The following SRD5A2 variants were observed in gnomAD, a reference collection of about 807,000 sequenced individuals.
The protein encoded by SRD5A2 is steroid 5 alpha-reductase 2.
SRD5A2 carries 30 observed loss-of-function variants against 27.4 expected under a neutral mutation model. That is an observed-to-expected ratio of 1.10 (90% CI 0.82 to 1.49). SRD5A2 has a LOEUF of 1.49. Among genes scored for constraint, SRD5A2 ranks in the 40% most tolerant of loss-of-function variants. The pLI is 0.00. For synonymous variants in SRD5A2, 141 were observed against 133.6 expected, an observed-to-expected ratio of 1.06 and a Z score of -0.38; for missense variants, 348 against 323.4, an observed-to-expected ratio of 1.08 and a Z score of -0.58.
the SRD5A2 span, among the ~76,000 whole-genome samples, chr2:31,661,985 T>C: frequency 1.3e-5 from 2 of 152,198 alleles, no homozygotes; most frequent in East Asian, 1.9e-4. Context: ...TATTTTTCAG[T>C]TGTAGAATTT....
At chr2:31,628,073 G>A in the SRD5A2 span, among the ~76,000 whole-genome samples, 1 of 152,076 alleles carries the variant, frequency 6.6e-6, no homozygotes. Flanking sequence ...TCAGTGGGGT[G>A]TTAAAATCTT....
At chr2:31,608,229 G>C in the SRD5A2 span, among the ~76,000 whole-genome samples, 2 of 150,856 alleles carry the variant, frequency 1.3e-5, no homozygotes, top group African/African-American at 4.8e-5. Flanking sequence ...ATAAGAGATA[G>C]AGAGATGAAT....
intron 1 of SRD5A2, among the ~76,000 whole-genome samples, chr2:31,539,594 C>T (rs1449148199): frequency 1.3e-5 from 2 of 152,152 alleles, no homozygotes; most frequent in Non-Finnish European, 2.9e-5. Context: ...CACTTCTCCA[C>T]AGTGTTAGTA....
chr2:31,537,412 C>T (rs1666048633), intron 1 of SRD5A2, among the ~76,000 whole-genome samples: 1 of 152,080 alleles, frequency 6.6e-6, no homozygotes, highest in Admixed American at 6.6e-5. Context: ...CTTGGTGGGG[C>T]CACCAGAGAC....
chr2:31,577,167 A>AAAAACATT (rs1246618458), intron 1 of SRD5A2, among the ~76,000 whole-genome samples: 2 of 130,500 alleles, frequency 1.5e-5, no homozygotes. Flanking sequence ...AACATTAAAA[A>AAAAACATT]AAAAAAAAAA....
At chr2:31,566,747 G>T (rs1304714991) in intron 1 of SRD5A2, among the ~76,000 whole-genome samples, 1 of 152,188 alleles carries the variant, frequency 6.6e-6, no homozygotes, top group East Asian at 1.9e-4. Context: ...TACTTATGGG[G>T]TGTCATATCT....
In SRD5A2 at chr2:31,553,168, T is replaced by A. The variant is rs115736518; in HGVS notation, c.282-19402A>T. 4.9e-3 allele frequency among the ~76,000 whole-genome samples: 752 copies of A among 152,174 alleles called. 3 individuals carry two copies. The highest frequency in any genetic ancestry group is 7.8e-3 in the Non-Finnish European group (532 of 67,996). Reference sequence around the variant, plus strand: ...TAGAAAGCTTCAAACACAGAATTGATCAAACCTAAGAAGGAATCAGTGAAC... The same window carrying A: ...TAGAAAGCTTCAAACACAGAATTGAACAAACCTAAGAAGGAATCAGTGAAC... On this transcript the variant is annotated intron_variant, in intron 1 of 4. Coordinates refer to ENST00000622030, the MANE Select transcript of SRD5A2 (RefSeq NM_000348.4).
At chr2:31,604,890 C>T in the SRD5A2 span, among the ~76,000 whole-genome samples, 1 of 151,864 alleles carries the variant, frequency 6.6e-6, no homozygotes, top group Admixed American at 6.6e-5. Context: ...ATCACATTAT[C>T]TGACTAAAAA....
At chr2:31,640,402 T>C in the SRD5A2 span, among the ~76,000 whole-genome samples, 1 of 152,174 alleles carries the variant, frequency 6.6e-6, no homozygotes, top group Non-Finnish European at 1.5e-5. Flanking sequence ...TTATTGTTTC[T>C]TGTGAGTTTT....
chr2:31,655,390 T>C, the SRD5A2 span, among the ~76,000 whole-genome samples: 73 of 152,348 alleles, frequency 4.8e-4, no homozygotes, highest in Non-Finnish European at 7.8e-4. Flanking sequence ...CATGAGCCAC[T>C]GCACCCAGCC....
At chr2:31,605,517 A>G in the SRD5A2 span, among the ~76,000 whole-genome samples, 1 of 149,634 alleles carries the variant, frequency 6.7e-6, no homozygotes, top group Admixed American at 6.6e-5. Flanking sequence ...AATAAAACAT[A>G]CAAATGGCAA....
chr2:31,530,188 C>T (rs1251406807), intron 3 of SRD5A2, among the ~76,000 whole-genome samples: 1 of 152,112 alleles, frequency 6.6e-6, no homozygotes, highest in African/African-American at 2.4e-5. Flanking sequence ...ATGTTTCAAC[C>T]GAAACAATTT....
chr2:31,543,613 A>T (rs1037184589), intron 1 of SRD5A2, among the ~76,000 whole-genome samples: 1 of 152,194 alleles, frequency 6.6e-6, no homozygotes, highest in Non-Finnish European at 1.5e-5. Context: ...ATTTTGTGAC[A>T]TTAACAATCA....
chr2:31,585,923 C>T (rs4443038), upstream of SRD5A2, among the ~76,000 whole-genome samples: 1,863 of 152,220 alleles, frequency 0.012, 42 homozygotes, highest in African/African-American at 0.043. Context: ...TCCAGCAGTA[C>T]TTCTTGTGGG....
intron 1 of SRD5A2, among the ~76,000 whole-genome samples, chr2:31,555,499 C>T (rs372157472): frequency 3.9e-5 from 6 of 152,152 alleles, no homozygotes; most frequent in African/African-American, 1.4e-4. Flanking sequence ...TTTTCATGTG[C>T]CTTGAACCTG....
chr2:31,583,635 AAAAGC>A (rs1667123626), upstream of SRD5A2, among the ~76,000 whole-genome samples: 1 of 21,908 alleles, frequency 4.6e-5, no homozygotes, highest in Non-Finnish European at 1.2e-4. Context: ...AAAACAAAAA[AAAAGC>A]AAAAAAAAAA....
chr2:31,635,566 TC>T, the SRD5A2 span, among the ~76,000 whole-genome samples: 308 of 152,172 alleles, frequency 2.0e-3, no homozygotes, highest in African/African-American at 6.7e-3. Context: ...ACTAAATAAA[TC>T]CCAATTGTCT....
At chr2:31,605,262 C>A in the SRD5A2 span, among the ~76,000 whole-genome samples, 1 of 151,672 alleles carries the variant, frequency 6.6e-6, no homozygotes, top group Non-Finnish European at 1.5e-5. Flanking sequence ...GTACTACCCA[C>A]AAGCACAGGA....
At chr2:31,609,756 C>G in the SRD5A2 span, among the ~76,000 whole-genome samples, 4 of 151,992 alleles carry the variant, frequency 2.6e-5, no homozygotes, top group African/African-American at 9.7e-5. Context: ...AAAAAACTTT[C>G]ATTCTGAAAA....
Sources: gnomAD v4.1 joint callset for allele counts (sites outside exome capture counted in the v4.1 genomes callset) on GRCh38, gnomAD v4.1.1 for gene constraint, MANE v1.5 for transcripts, NCBI Gene and HGNC (gene_info 2026-07-23, HGNC 2026-07-21) for gene names.